The following ALDH3A2 variants were observed in gnomAD, a reference collection of about 807,000 sequenced individuals.
The protein encoded by ALDH3A2 is aldehyde dehydrogenase family 3 member A2.
Under a neutral mutation model 51.3 loss-of-function variants are expected in ALDH3A2, and 36 were observed. The ratio of observed to expected loss-of-function variants is 0.70; its 90% CI spans 0.54 to 0.93. The LOEUF (loss-of-function observed/expected upper bound fraction) is 0.93. Ranked by LOEUF, ALDH3A2 falls within the 40% of genes least tolerant of loss-of-function variation. The probability of loss-of-function intolerance (pLI) is 0.00; values close to 1 mark genes in which losing one functional copy is unlikely to be tolerated. For synonymous variants in ALDH3A2, 199 were observed against 219.8 expected (o/e 0.91, Z 0.84); for missense variants, 552 against 603.1 (o/e 0.92, Z 0.89).
At chr17:19,672,019 A>G (rs1465713059) in intron 9 of ALDH3A2, 63 bp downstream of exon 9, 7 of 1,387,108 alleles carry the variant, frequency 5.0e-6, no homozygotes, top group African/African-American at 4.3e-5. Flanking sequence ...TGCCAGATGC[A>G]TATTCTAGCA....
rs1279914906 is a variant in ALDH3A2 at position 19,657,732 on chromosome 17, G to A, written c.681-13G>A. The A allele has an allele frequency of 1.3e-6, 2 of 1,553,574 alleles. No individual in the cohort carries two copies. Among genetic ancestry groups the A allele is most frequent in the African/African-American group, 1.4e-5 (1 of 73,648 alleles). On this transcript the variant is annotated splice_polypyrimidine_tract_variant and intron_variant, in intron 4 of 9. Transcript: ENST00000176643. ...ACTGAATTATATAGCTGTTCTGGAT[G>A]TTTTCCCCTCAGACGCATAACCTGG...
intron 9 of ALDH3A2, chr17:19,675,136 A>G: frequency 5.9e-6 from 1 of 169,940 alleles, no homozygotes; most frequent in Non-Finnish European, 1.3e-5. Flanking sequence ...CTCAGTCTTC[A>G]ATAGGAAGGA....
intron 6 of ALDH3A2, among the ~76,000 whole-genome samples, chr17:19,662,761 C>T (rs887865382): frequency 6.6e-6 from 1 of 152,172 alleles, no homozygotes; most frequent in African/African-American, 2.4e-5. Context: ...TGATTTGATT[C>T]ACAGAGGAGC....
chr17:19,675,660 A>G lies in ALDH3A2; in HGVS notation c.*88A>G, dbSNP rs1164740230. The stretch of plus-strand genomic sequence containing the variant: ...GAACCAATAATTTTTAAATCATACC[A>G]AAAATAGTAAGAAAATATGCAAACA... On this transcript the variant is annotated 3_prime_UTR_variant, in exon 10 of 10. Transcript: ENST00000176643. The G allele has an allele frequency of 1.5e-6, 2 of 1,356,156 alleles. No homozygotes were observed. The highest frequency in any genetic ancestry group is 2.3e-5 in the South Asian group (2 of 85,140). The allele number at this position is 1,356,156 out of a possible 1,614,324, so 84.0% of individuals were successfully genotyped here. A position where few individuals can be genotyped will look rare whatever the true frequency, so the allele number is the denominator to read the frequency against.
At chr17:19,666,502 C>T (rs780088884) in intron 8 of ALDH3A2, among the ~76,000 whole-genome samples, 20 of 152,092 alleles carry the variant, frequency 1.3e-4, no homozygotes, top group Non-Finnish European at 2.4e-4. Context: ...CAAGGCTGGG[C>T]GCAGTGGCTC....
rs143966300 is a variant in ALDH3A2, at chr17:19,662,048, A to G, written c.940+780A>G. ...AAAGAAAACAATCCTTGTGCCTTCT[A>G]TCTCTCTTGGTGGCAGCCCAGATTG... On this transcript the variant is annotated intron_variant, in intron 6 of 9. Transcript: ENST00000176643. The G allele has an allele frequency of 1.6e-3, 250 of 152,038 alleles. 1 individual carries two copies. Among genetic ancestry groups the G allele is most frequent in the African/African-American group, 5.2e-3 (216 of 41,468 alleles). 9.4% of individuals were successfully genotyped at this position (152,038 alleles called of 1,614,324 possible). A position where few individuals can be genotyped will look rare whatever the true frequency, so the allele number is the denominator to read the frequency against.
chr17:19,663,481 A>G lies in ALDH3A2; in HGVS notation c.1089A>G (p.Val363=). 6.2e-7 allele frequency: 1 copy of G among 1,614,108 alleles called. No individual in the cohort carries two copies. Among genetic ancestry groups the G allele is most frequent in the South Asian group, 1.1e-5 (1 of 91,076 alleles). Residue 363 remains valine, a synonymous_variant, in exon 7 of 10, where the codon GTA becomes GTG. Coordinates refer to ENST00000176643, the MANE Select transcript of ALDH3A2 (RefSeq NM_000382.3). The stretch of plus-strand genomic sequence containing the variant: ...GTGAAAAGCCTCTGGCTCTTTATGT[A>G]TTTTCGCATAACCATAAGGTAAGCT... The part of the protein sequence containing the change: ...NEREKPLALY[V]FSHNHKLIKR...
At position 19,654,458 on chromosome 17, in the gene ALDH3A2, C is replaced by T. The variant is rs973948686; in HGVS notation, c.471+1826C>T. On this transcript the variant is annotated intron_variant, in intron 3 of 9. Coordinates refer to ENST00000176643, the MANE Select transcript of ALDH3A2 (RefSeq NM_000382.3). This position sits in a 1 kb window ranked among gnomAD's most constrained non-coding sequence, Gnocchi z 4.5. ...GCGGGCTGCAGGTCCCGAGCCCTGC[C>T]CTGCGGGGAGGTGGCTGAGGCCCGG... is the stretch of plus-strand genomic sequence containing the variant. Among the ~76,000 whole-genome samples the T allele has an allele frequency of 1.3e-5, 2 of 152,206 alleles. No individual in the cohort carries two copies. Among genetic ancestry groups the T allele is most frequent in the African/African-American group, 4.8e-5 (2 of 41,450 alleles).
chr17:19,656,412 T>C lies in ALDH3A2; in HGVS notation c.518T>C (p.Leu173Pro), dbSNP rs763732078. The change falls in exon 4 of 10, where the codon CTC becomes CCC. Residue 173 changes from leucine to proline, a missense_variant. Transcript: ENST00000176643. ...GGTGGTGTTGAGGAAACCACGGAGCTCCTGAAGCAGCGATTTGACCACATT... is the reference window on the plus strand; with the variant it reads ...GGTGGTGTTGAGGAAACCACGGAGCCCCTGAAGCAGCGATTTGACCACATT... Reference protein sequence around the residue: ...INGGVEETTELLKQRFDHIFY... With the variant: ...INGGVEETTEPLKQRFDHIFY... 43 of 1,614,026 alleles carry C rather than the reference T, an allele frequency of 2.7e-5. No individual in the cohort carries two copies. The highest frequency in any genetic ancestry group is 3.6e-5 in the Non-Finnish European group (43 of 1,180,018).
chr17:19,649,252 A>G, intron 1 of ALDH3A2, 128 bp downstream of exon 1: 1 of 1,313,574 alleles, frequency 7.6e-7, no homozygotes, highest in Admixed American at 2.4e-5. Context: ...TATGATCTCC[A>G]GCGATACAGA....
At chr17:19,671,371 C>G (rs1170701718) in intron 8 of ALDH3A2, among the ~76,000 whole-genome samples, 1 of 152,222 alleles carries the variant, frequency 6.6e-6, no homozygotes, top group Non-Finnish European at 1.5e-5. Flanking sequence ...CTCCCTTTCC[C>G]TCTCTGGAAA....
At chr17:19,673,410 G>A in intron 9 of ALDH3A2, 1 of 1,175,296 alleles carries the variant, frequency 8.5e-7, no homozygotes, top group South Asian at 1.6e-5. Context: ...ACAGTTGGAG[G>A]CTTAAGGGTT....
In ALDH3A2 at chr17:19,648,983, A is replaced by G; in HGVS notation, c.12A>G (p.Glu4=). 1 of 1,588,918 alleles carries G rather than the reference A, an allele frequency of 6.3e-7. No homozygotes were observed. MEL[E]VRRVRQAFLS... ...TGCAGGACCAGGCCATGGAGCTCGA[A>G]GTCCGGCGGGTCCGACAGGCGTTCC... Residue 4 remains glutamate, a synonymous_variant, in exon 1 of 10, where the codon GAA becomes GAG. Transcript: ENST00000176643.
intron 1 of ALDH3A2, chr17:19,649,838 C>G (rs181317315): frequency 6.4e-6 from 1 of 155,190 alleles, no homozygotes; most frequent in East Asian, 1.9e-4. Flanking sequence ...TCATATGCCT[C>G]TTTTGGAAGC....
At chr17:19,648,588 G>A (rs2084765721), upstream of ALDH3A2, 2 of 247,052 alleles carry the variant, frequency 8.1e-6, no homozygotes, top group South Asian at 5.1e-5. Context: ...GCCGCCCCCT[G>A]GCCCGTGGCC....
At chr17:19,658,467 G>A (rs1310797477) in intron 5 of ALDH3A2, among the ~76,000 whole-genome samples, 1 of 151,926 alleles carries the variant, frequency 6.6e-6, no homozygotes, top group Non-Finnish European at 1.5e-5. Flanking sequence ...GCTTATGCCT[G>A]TAATCCCAGC....
rs372793126 is a variant in ALDH3A2 at position 19,675,495 on chromosome 17, G to A, written c.1444-63G>A. ...TCCCAGTGCTGAGCTTGTGTTGCAA[G>A]GCTGGTTGTGGGTAGGTTTTTAAAG... On this transcript the variant is annotated intron_variant, in intron 9 of 9. Transcript: ENST00000176643. 3.9e-6 allele frequency: 6 copies of A among 1,555,252 alleles called. No individual in the cohort carries two copies. The African/African-American group carries it at 5.4e-5, about 14-fold the overall frequency.
chr17:19,657,731 T>G lies in ALDH3A2; in HGVS notation c.681-14T>G, dbSNP rs1400349287. 1.9e-6 allele frequency: 3 copies of G among 1,549,284 alleles called. No individual in the cohort carries two copies. The highest frequency in any genetic ancestry group is 1.7e-5 in the Admixed American group (1 of 59,924). On this transcript the variant is annotated splice_polypyrimidine_tract_variant and intron_variant, in intron 4 of 9. Transcript: ENST00000176643. The stretch of plus-strand genomic sequence containing the variant: ...TACTGAATTATATAGCTGTTCTGGA[T>G]GTTTTCCCCTCAGACGCATAACCTG...
At chr17:19,649,168 G>A (rs760908543) in intron 1 of ALDH3A2, 44 bp downstream of exon 1, 1 of 1,537,084 alleles carries the variant, frequency 6.5e-7, no homozygotes, top group Admixed American at 2.0e-5. Flanking sequence ...GGCCCCCGCC[G>A]CGCACTTGTG....
Sources: allele counts gnomAD v4.1 joint callset (sites outside exome capture counted in the v4.1 genomes callset), GRCh38; gene constraint gnomAD v4.1.1; non-coding constraint Gnocchi (gnomAD v3.1); transcripts MANE v1.5; gene names NCBI Gene and HGNC (gene_info 2026-07-23, HGNC 2026-07-21).